The following ZNF385D variants were observed in gnomAD, a reference collection of about 807,000 sequenced individuals.
ZNF385D encodes the protein zinc finger protein 659.
In ZNF385D, 15 loss-of-function variants were observed where a neutral mutation model predicts 35.8. That is an observed-to-expected ratio of 0.42 (90% CI 0.28 to 0.64). The LOEUF is 0.64. Among genes scored for constraint, ZNF385D ranks in the 30% least tolerant of loss-of-function variants. The pLI is 0.23. For synonymous variants in ZNF385D, 212 were observed against 186.8 expected, an observed-to-expected ratio of 1.13 and a Z score of -1.10; for missense variants, 474 against 494.6, an observed-to-expected ratio of 0.96 and a Z score of 0.39.
intron 1 of ZNF385D, among the ~76,000 whole-genome samples, chr3:21,688,783 C>A (rs60705194): frequency 2.3e-4 from 35 of 152,128 alleles, no homozygotes; most frequent in Non-Finnish European, 4.3e-4. Flanking sequence ...AGAGAGATTT[C>A]TCAGTTCCCA....
At chr3:21,788,198 G>A (rs2071781103) in intron 3 of ZNF385D, among the ~76,000 whole-genome samples, 9 of 152,174 alleles carry the variant, frequency 5.9e-5, no homozygotes, top group Admixed American at 5.2e-4. Context: ...AGTAAGATGG[G>A]GCGGGCGCAG....
intron 1 of ZNF385D, among the ~76,000 whole-genome samples, chr3:21,743,348 A>G (rs2069611784): frequency 6.6e-6 from 1 of 152,234 alleles, no homozygotes; most frequent in Non-Finnish European, 1.5e-5. Flanking sequence ...TACTATCTAC[A>G]CTAAATATAG....
At chr3:21,843,808 C>G (rs17009776) in intron 3 of ZNF385D, among the ~76,000 whole-genome samples, 4,482 of 151,816 alleles carry the variant, frequency 0.03, 216 homozygotes, top group African/African-American at 0.1. Context: ...TCAAAGGGTC[C>G]CAGGTGGTAG....
chr3:22,164,297 C>T (rs969430211), intron 3 of ZNF385D, among the ~76,000 whole-genome samples: 2 of 135,156 alleles, frequency 1.5e-5, no homozygotes, highest in African/African-American at 2.8e-5. Context: ...GGTGCTATCT[C>T]GGCTCACTGC....
chr3:22,173,654 T>C (rs973229964), intron 2 of ZNF385D, among the ~76,000 whole-genome samples: 1 of 152,140 alleles, frequency 6.6e-6, no homozygotes, highest in Non-Finnish European at 1.5e-5. Context: ...ATTTGAAGAA[T>C]GAGGGAAACA....
In ZNF385D at chr3:21,424,011, A is replaced by G. The variant is rs201943323; in HGVS notation, c.906T>C (p.Pro302=). The change falls in exon 7 of 8, where the codon CCT becomes CCC. Residue 302 remains proline (P), a synonymous_variant. Coordinates refer to ENST00000281523, the MANE Select transcript of ZNF385D (RefSeq NM_024697.3). ...GTAGTTTGTTGTAAGGACTGTATTTAGGTTTCGGGGGCTTCCCAGCAGCTC... is the reference window on the plus strand; with the variant it reads ...GTAGTTTGTTGTAAGGACTGTATTTGGGTTTCGGGGGCTTCCCAGCAGCTC... ...KDRAAGKPPK[P]KYSPYNKLQK... is the part of the protein sequence containing the mutation. The G allele has an allele frequency of 6.2e-7, 1 of 1,606,484 alleles. No homozygotes were observed. The highest frequency in any genetic ancestry group is 2.3e-5 in the East Asian group (1 of 43,928).
At position 21,425,718 on chromosome 3, in the gene ZNF385D, G is replaced by A. The variant is rs765353996; in HGVS notation, c.674-48C>T. ...GGAAGGAAAGGAGGGAGGAAAGAAGGGAGGGAGAGAAGGAGGTGGGATGGG... is the reference window on the plus strand; with the variant it reads ...GGAAGGAAAGGAGGGAGGAAAGAAGAGAGGGAGAGAAGGAGGTGGGATGGG... On this transcript the variant is annotated intron_variant, in intron 5 of 7. Transcript: ENST00000281523. The A allele has an allele frequency of 2.0e-6, 3 of 1,479,782 alleles. No individual in the cohort carries two copies. The Admixed American group carries it at 6.9e-5, about 34-fold the overall frequency. The allele number at this position is 1,479,782 out of a possible 1,614,324, so 91.7% of individuals were successfully genotyped here.
At chr3:21,739,374 G>C (rs1285746232) in intron 1 of ZNF385D, among the ~76,000 whole-genome samples, 1 of 152,152 alleles carries the variant, frequency 6.6e-6, no homozygotes, top group Non-Finnish European at 1.5e-5. Flanking sequence ...GAGCTGCCTT[G>C]ACTGTGTGTG....
intron 3 of ZNF385D, among the ~76,000 whole-genome samples, chr3:22,132,357 C>T (rs972937776): frequency 6.6e-6 from 1 of 152,146 alleles, no homozygotes; most frequent in East Asian, 1.9e-4. Flanking sequence ...TAATTTTGGA[C>T]TTCCCAGCCT....
At chr3:21,738,212 G>A (rs1467228815) in intron 1 of ZNF385D, among the ~76,000 whole-genome samples, 1 of 152,184 alleles carries the variant, frequency 6.6e-6, no homozygotes, top group East Asian at 1.9e-4. Context: ...GGAATGGTGA[G>A]AATACGCTCC....
chr3:21,563,727 G>C (rs1455174225), intron 3 of ZNF385D, among the ~76,000 whole-genome samples: 4 of 152,154 alleles, frequency 2.6e-5, no homozygotes, highest in African/African-American at 7.2e-5. Flanking sequence ...ATAGGATGGA[G>C]CCTTCTGTTT....
chr3:21,493,695 C>T (rs1705604274), intron 4 of ZNF385D, among the ~76,000 whole-genome samples: 2 of 151,286 alleles, frequency 1.3e-5, no homozygotes, highest in African/African-American at 4.9e-5. Flanking sequence ...AACTCCTAGT[C>T]TCAAGCAATC....
chr3:22,184,648 A>G (rs1002744589), intron 2 of ZNF385D, among the ~76,000 whole-genome samples: 5 of 152,166 alleles, frequency 3.3e-5, no homozygotes, highest in African/African-American at 1.2e-4. Context: ...CAACATGGTG[A>G]AACCCTGTCT....
Position 21,510,953 on chromosome 3 carries a change from T to G in ZNF385D, c.347A>C (p.Asn116Thr), listed in dbSNP as rs979571313. ...CTTGGCAGTTACAGATTTCTGCTTA[T>G]TTTTCATGGCTTCCAGTGCTTTGAG... ...KKLKALEAMK[N>T]KQKSVTAKDS... Residue 116 changes from asparagine to threonine, a missense_variant, in exon 4 of 8, where the codon AAT (asparagine) becomes ACT (threonine). By Grantham distance (65) the Asn-to-Thr change is moderately conservative. Transcript: ENST00000281523. 1.9e-6 allele frequency: 3 copies of G among 1,614,154 alleles called. No homozygotes were observed. Among genetic ancestry groups the G allele is most frequent in the Non-Finnish European group, 2.5e-6 (3 of 1,180,008 alleles).
chr3:21,912,641 G>C (rs138497545), intron 3 of ZNF385D, among the ~76,000 whole-genome samples: 33 of 152,088 alleles, frequency 2.2e-4, no homozygotes, highest in African/African-American at 7.9e-4. Flanking sequence ...GCCACGTTAG[G>C]GGATTGTATA....
chr3:22,258,325 T>A (rs562834448), intron 2 of ZNF385D, among the ~76,000 whole-genome samples: 17 of 151,858 alleles, frequency 1.1e-4, no homozygotes, highest in Non-Finnish European at 2.1e-4. Context: ...AATAGCCAAA[T>A]AAGCAGAATA....
At chr3:22,170,821 A>G (rs1175317366) in intron 2 of ZNF385D, among the ~76,000 whole-genome samples, 1 of 152,166 alleles carries the variant, frequency 6.6e-6, no homozygotes, top group East Asian at 1.9e-4. Flanking sequence ...TATCTCAAAT[A>G]TTGTTAAGTA....
chr3:21,969,009 C>A (rs1451688210), intron 3 of ZNF385D, among the ~76,000 whole-genome samples: 1 of 152,112 alleles, frequency 6.6e-6, no homozygotes, highest in Non-Finnish European at 1.5e-5. Flanking sequence ...AGACACAGAT[C>A]TGGCAGCTTT....
chr3:22,083,918 G>A (rs1265654324), intron 3 of ZNF385D, among the ~76,000 whole-genome samples: 1 of 152,084 alleles, frequency 6.6e-6, no homozygotes, highest in Non-Finnish European at 1.5e-5. Flanking sequence ...AGAGAGTGGG[G>A]GCCAATATTC....
Sources: allele counts gnomAD v4.1 joint callset (sites outside exome capture counted in the v4.1 genomes callset), GRCh38; gene constraint gnomAD v4.1.1; transcripts MANE v1.5; gene names NCBI Gene and HGNC (gene_info 2026-07-23, HGNC 2026-07-21).